Variants in EVI5 observed in about 807,000 individuals in gnomAD.
EVI5 encodes ecotropic viral integration site 5 protein homolog.
Under a neutral mutation model 112.0 loss-of-function variants are expected in EVI5, and 73 were observed. The ratio of observed to expected loss-of-function variants is 0.65; its 90% CI spans 0.54 to 0.79. EVI5 has a LOEUF of 0.79. Among genes scored for constraint, EVI5 ranks in the 30% least tolerant of loss-of-function variants. EVI5 has a pLI of 0.00. For missense variants in EVI5, 900 were observed against 968.8 expected, an observed-to-expected ratio of 0.93 and a Z score of 0.94; for synonymous variants, 305 against 319.9, an observed-to-expected ratio of 0.95 and a Z score of 0.50.
At chr1:92,515,989 A>G (rs1301115144) in intron 19 of EVI5, among the ~76,000 whole-genome samples, 4 of 152,222 alleles carry the variant, frequency 2.6e-5, no homozygotes. Flanking sequence ...TCTCCTTGGC[A>G]GAACAGAGGG....
intron 2 of EVI5, among the ~76,000 whole-genome samples, chr1:92,712,884 T>C (rs745500566): frequency 2.6e-5 from 4 of 151,772 alleles, no homozygotes; most frequent in Admixed American, 6.6e-5. Flanking sequence ...AGTCCACTTA[T>C]GCAAAGCTAA....
intron 1 of EVI5, among the ~76,000 whole-genome samples, chr1:92,780,447 C>CT (rs11397170): frequency 0.61 from 92,247 of 152,116 alleles, 28,874 homozygotes; most frequent in East Asian, 0.92. Context: ...CCACAGCCCA[C>CT]TTTCTTTGCC....
rs1571845695 is a variant in EVI5, at chr1:92,605,294, T to A, written c.2070+13A>T. The A allele has an allele frequency of 1.9e-6, 3 of 1,556,432 alleles. No homozygotes were observed. The East Asian group carries it at 6.7e-5, about 35-fold the overall frequency. ...TATATTTTTACATGTACTTTATTAT[T>A]TTCATATGGTACCTGGATTTCAAGC... On this transcript the variant is annotated intron_variant, in intron 18 of 19. Coordinates refer to ENST00000684568, the MANE Select transcript of EVI5 (RefSeq NM_001350197.2).
chr1:92,755,124 T>G (rs1680753793), intron 1 of EVI5, among the ~76,000 whole-genome samples: 1 of 150,198 alleles, frequency 6.7e-6, no homozygotes, highest in Non-Finnish European at 1.5e-5. Flanking sequence ...AACTGATGCT[T>G]TGGGCCAGCT....
chr1:92,609,546 C>A (rs1651250033), intron 16 of EVI5, among the ~76,000 whole-genome samples: 1 of 152,004 alleles, frequency 6.6e-6, no homozygotes, highest in Non-Finnish European at 1.5e-5. Flanking sequence ...TTAGTAGAGA[C>A]AGGGTTTCAT....
chr1:92,639,227 T>C (rs1659468991), intron 13 of EVI5, among the ~76,000 whole-genome samples: 1 of 152,188 alleles, frequency 6.6e-6, no homozygotes, highest in Admixed American at 6.5e-5. Flanking sequence ...TTTTCAATCC[T>C]ATGTGCTTTT....
At chr1:92,677,299 A>G (rs559942338) in intron 9 of EVI5, 81 bp from the exon 10 acceptor site, 25 of 696,898 alleles carry the variant, frequency 3.6e-5, no homozygotes, top group African/African-American at 3.3e-4. Flanking sequence ...AAAAATACAT[A>G]TGAACATAAA....
chr1:92,674,987 G>C (rs1172425079), intron 10 of EVI5, among the ~76,000 whole-genome samples: 2 of 152,182 alleles, frequency 1.3e-5, no homozygotes, highest in Non-Finnish European at 2.9e-5. Flanking sequence ...CATGGAGCTA[G>C]ATTCAAAAAC....
intron 2 of EVI5, among the ~76,000 whole-genome samples, chr1:92,722,563 G>C (rs1674933123): frequency 6.8e-6 from 1 of 146,368 alleles, no homozygotes; most frequent in Non-Finnish European, 1.5e-5. Context: ...AGAACATGCA[G>C]TGTTTGGTTT....
chr1:92,703,168 T>C (rs1405084986), intron 4 of EVI5, among the ~76,000 whole-genome samples: 1 of 152,134 alleles, frequency 6.6e-6, no homozygotes, highest in East Asian at 1.9e-4. Context: ...TTTAAGCTAT[T>C]CCATTTCCAT....
In EVI5 at chr1:92,701,898, T is replaced by C. The variant is rs371256969; in HGVS notation, c.639+243A>G. On this transcript the variant is annotated intron_variant, in intron 5 of 19. Transcript: ENST00000684568. ...AAACTACTGTAGATTCAAGCTTTAG[T>C]AGAATATTACAGTAAAAATGTATCT... 6.1e-5 allele frequency among the ~76,000 whole-genome samples: 9 copies of C among 147,616 alleles called. No individual in the cohort carries two copies. The South Asian group carries it at 1.1e-3, about 18-fold the overall frequency.
intron 13 of EVI5, among the ~76,000 whole-genome samples, chr1:92,661,911 T>C (rs1664082520): frequency 6.6e-6 from 1 of 152,202 alleles, no homozygotes; most frequent in Admixed American, 6.5e-5. Context: ...TAGCGCCTAC[T>C]TGAGGATGGA....
Position 92,662,806 on chromosome 1 carries a change from G to A in EVI5, c.1305C>T (p.Ala435=). The A allele has an allele frequency of 7.8e-7, 1 of 1,289,228 alleles. No individual in the cohort carries two copies. The highest frequency in any genetic ancestry group is 1.0e-6 in the Non-Finnish European group (1 of 988,600). The allele number at this position is 1,289,228 out of a possible 1,614,324, so 79.9% of individuals were successfully genotyped here. A position where few individuals can be genotyped will look rare whatever the true frequency, so the allele number is the denominator to read the frequency against. ...EENYLIKREL[A]TIKQQSDEAS... is the part of the protein sequence containing the mutation. ...CCTCATCACTCTGCTGTTTGATGGT[G>A]GCCAACTCCCGTTTTATGAGGTAGT... The change falls in exon 13 of 20, where the codon GCC becomes GCT. Residue 435 remains alanine, a synonymous_variant. Transcript: ENST00000684568.
rs1461647740 is a variant in EVI5, at chr1:92,785,029, C to A, written c.-275G>T. 9.1e-6 allele frequency: 9 copies of A among 985,462 alleles called. No individual in the cohort carries two copies. The highest frequency in any genetic ancestry group is 1.1e-5 in the Non-Finnish European group (9 of 830,064). 61.0% of individuals were successfully genotyped at this position (985,462 alleles called of 1,614,324 possible). A position where few individuals can be genotyped will look rare whatever the true frequency, so the allele number is the denominator to read the frequency against. Reference sequence around the variant, plus strand: ...TCACCTACCCCTCCCGGCACCGCCGCTGTCGGAACTGCAGCCAGCCCCTTG... The same window carrying A: ...TCACCTACCCCTCCCGGCACCGCCGATGTCGGAACTGCAGCCAGCCCCTTG... On this transcript the variant is annotated 5_prime_UTR_variant, in exon 1 of 20. Coordinates refer to ENST00000684568, the MANE Select transcript of EVI5 (RefSeq NM_001350197.2).
chr1:92,630,825 C>T (rs980456201), intron 14 of EVI5, among the ~76,000 whole-genome samples: 1 of 152,042 alleles, frequency 6.6e-6, no homozygotes, highest in Non-Finnish European at 1.5e-5. Context: ...ATCTTTAATC[C>T]ATCTTGAATT....
rs1286511846 is a variant in EVI5, at chr1:92,512,846, GAC to G, written c.*808_*809del. ...AAAAATAGAAAAAAAAAACCTCCCAGACACAAACAGACAAGGTAGGCTGGGTG... is the reference window on the plus strand; with the variant it reads ...AAAAATAGAAAAAAAAAACCTCCCAGACAAACAGACAAGGTAGGCTGGGTG... On this transcript the variant is annotated 3_prime_UTR_variant, in exon 20 of 20. Transcript: ENST00000684568. The G allele has an allele frequency of 6.6e-6, 1 of 151,322 alleles. No homozygotes were observed. The highest frequency in any genetic ancestry group is 1.5e-5 in the Non-Finnish European group (1 of 67,828). 9.4% of individuals were successfully genotyped at this position (151,322 alleles called of 1,614,324 possible). A position where few individuals can be genotyped will look rare whatever the true frequency, so the allele number is the denominator to read the frequency against.
chr1:92,679,849 G>T (rs1450307569), intron 9 of EVI5, among the ~76,000 whole-genome samples: 1 of 152,120 alleles, frequency 6.6e-6, no homozygotes, highest in Non-Finnish European at 1.5e-5. Context: ...TGGGTTTTCA[G>T]GAGGAAGACC....
intron 9 of EVI5, among the ~76,000 whole-genome samples, chr1:92,693,102 AAC>A (rs1403958211): frequency 6.6e-6 from 1 of 152,208 alleles, no homozygotes; most frequent in Admixed American, 6.5e-5. Context: ...CTGTAATCCC[AAC>A]ATTTTAGGAG....
chr1:92,686,712 T>C lies in EVI5; in HGVS notation c.1097+7090A>G, dbSNP rs1668590225. 3.3e-5 allele frequency among the ~76,000 whole-genome samples: 5 copies of C among 152,296 alleles called. No homozygotes were observed. The South Asian group carries it at 1.0e-3, about 32-fold the overall frequency. ...TTCAGCAAAGTCTCAGGATACAAAA[T>C]CAATGTGCAAAAATCACAAGTATTT... On this transcript the variant is annotated intron_variant, in intron 9 of 19. Transcript: ENST00000684568.
Sources: allele counts gnomAD v4.1 joint callset (sites outside exome capture counted in the v4.1 genomes callset), GRCh38; gene constraint gnomAD v4.1.1; transcripts MANE v1.5; gene names NCBI Gene and HGNC (gene_info 2026-07-23, HGNC 2026-07-21).